PSMD14: variants seen among roughly 807,000 people sequenced by gnomAD.
The protein encoded by PSMD14 is ubiquitin C-terminal hydrolase PSMD14.
Under a neutral mutation model 41.2 loss-of-function variants are expected in PSMD14, and 7 were observed. The ratio of observed to expected loss-of-function variants is 0.17; its 90% CI spans 0.10 to 0.32. The LOEUF (loss-of-function observed/expected upper bound fraction) is 0.32, where lower values mean the gene tolerates loss of function less well. Among genes scored for constraint, PSMD14 ranks in the 10% least tolerant of loss-of-function variants. The probability of loss-of-function intolerance (pLI) is 1.00; values close to 1 mark genes in which losing one functional copy is unlikely to be tolerated. For missense variants in PSMD14, 139 were observed against 375.6 expected (o/e 0.37, Z 5.21); for synonymous variants, 114 against 122.3 (o/e 0.93, Z 0.45).
chr2:161,369,162 T>G lies in PSMD14; in HGVS notation c.241-945T>G, dbSNP rs149381567. Among the ~76,000 whole-genome samples, 414 of 152,174 alleles carry G rather than the reference T, an allele frequency of 2.7e-3. 6 individuals carry two copies. Among genetic ancestry groups the G allele is most frequent in the African/African-American group, 9.5e-3 (394 of 41,574 alleles). Reference sequence around the variant, plus strand: ...GTACTTATGTAGATACCCATTATAATACATTGTTCTTAGGCTTTAATATCA... The same window carrying G: ...GTACTTATGTAGATACCCATTATAAGACATTGTTCTTAGGCTTTAATATCA... On this transcript the variant is annotated intron_variant, in intron 5 of 11. Transcript: ENST00000409682.
At chr2:161,388,172 G>A (rs1042145722) in intron 8 of PSMD14, among the ~76,000 whole-genome samples, 2 of 152,098 alleles carry the variant, frequency 1.3e-5, no homozygotes, top group African/African-American at 2.4e-5. Context: ...AAATATTGAT[G>A]CATAGATGCA....
At chr2:161,391,025 GA>G in intron 8 of PSMD14, 78 bp from the exon 9 acceptor site, 2 of 1,275,348 alleles carry the variant, frequency 1.6e-6, no homozygotes, top group South Asian at 4.0e-5. Flanking sequence ...TATTATGTAA[GA>G]ATATATCAAC....
At chr2:161,319,754 A>G (rs577904674) in intron 3 of PSMD14, among the ~76,000 whole-genome samples, 8 of 152,176 alleles carry the variant, frequency 5.3e-5, no homozygotes, top group Non-Finnish European at 1.2e-4. Flanking sequence ...TGTGTTTACT[A>G]TAAGAAGCAG....
At chr2:161,348,700 C>T (rs538408582) in intron 3 of PSMD14, among the ~76,000 whole-genome samples, 6 of 152,172 alleles carry the variant, frequency 3.9e-5, no homozygotes, top group African/African-American at 9.6e-5. Flanking sequence ...AAGAAATGCA[C>T]GATCACTAAG....
intron 1 of PSMD14, among the ~76,000 whole-genome samples, chr2:161,315,237 A>T (rs535864498): frequency 6.6e-6 from 1 of 152,196 alleles, no homozygotes; most frequent in Non-Finnish European, 1.5e-5. Context: ...TAAACATCCT[A>T]TGATGCGCAA....
intron 3 of PSMD14, among the ~76,000 whole-genome samples, chr2:161,363,812 G>C (rs1191532595): frequency 6.6e-6 from 1 of 152,194 alleles, no homozygotes; most frequent in African/African-American, 2.4e-5. Context: ...AGACAGGCAG[G>C]CTTTGGGGCT....
chr2:161,400,305 G>A (rs1191140449), intron 10 of PSMD14, among the ~76,000 whole-genome samples: 1 of 152,080 alleles, frequency 6.6e-6, no homozygotes, highest in Non-Finnish European at 1.5e-5. Flanking sequence ...GATAGCTTCA[G>A]CCATCTCATC....
chr2:161,355,040 G>A (rs1455221220), intron 3 of PSMD14, among the ~76,000 whole-genome samples: 1 of 152,192 alleles, frequency 6.6e-6, no homozygotes, highest in East Asian at 1.9e-4. Context: ...AAATTTCAGA[G>A]GAGGTGGGTG....
chr2:161,346,312 C>T (rs915817878), intron 3 of PSMD14, among the ~76,000 whole-genome samples: 1 of 152,102 alleles, frequency 6.6e-6, no homozygotes, highest in African/African-American at 2.4e-5. Flanking sequence ...GAACTCACCC[C>T]CTGCTTTATC....
rs1162637393 is a variant in PSMD14, at chr2:161,389,889, G to GTTT, written c.571-1194_571-1192dup. Among the ~76,000 whole-genome samples, 32 of 20,042 alleles carry GTTT rather than the reference G, an allele frequency of 1.6e-3. 1 individual carries two copies. The highest frequency in any genetic ancestry group is 2.1e-3 in the African/African-American group (14 of 6,558). The allele number at this position is 20,042 out of a possible 152,430, so 13.1% of individuals were successfully genotyped here. On this transcript the variant is annotated intron_variant, in intron 8 of 11. Transcript: ENST00000409682. ...TGTCTTATTTTCTTTCTTTTTTGTTGTTTTTTTTTTTTTTTTTTTTTTTAG... is the reference window on the plus strand; with the variant it reads ...TGTCTTATTTTCTTTCTTTTTTGTTGTTTTTTTTTTTTTTTTTTTTTTTTTTAG...
At chr2:161,381,587 A>T (rs1167572949) in intron 7 of PSMD14, 1 of 151,908 alleles carries the variant, frequency 6.6e-6, no homozygotes, top group Non-Finnish European at 1.5e-5. Context: ...TGCTTTACAA[A>T]TTTAGTCTAG....
At position 161,341,184 on chromosome 2, in the gene PSMD14, GCCGGGGGCGCGGGTT is replaced by G. The variant is rs1056179124; in HGVS notation, c.48+22323_48+22337del. The G allele has an allele frequency of 5.2e-6, 5 of 954,504 alleles. No individual in the cohort carries two copies. In the African/African-American group the frequency reaches 7.1e-5, roughly 14 times the overall value. The allele number at this position is 954,504 out of a possible 1,614,324, so 59.1% of individuals were successfully genotyped here. A position where few individuals can be genotyped will look rare whatever the true frequency, so the allele number is the denominator to read the frequency against. On this transcript the variant is annotated intron_variant, in intron 3 of 11. Transcript: ENST00000409682. ...CGGCGCCGGGGCCCCGGTGGCCTCG[GCCGGGGGCGCGGGTT>G]CCGGGGGCGCGCGGGCAGGCTCCGG... is the stretch of plus-strand genomic sequence containing the variant.
chr2:161,308,948 C>T, intron 1 of PSMD14, among the ~76,000 whole-genome samples: 1 of 152,052 alleles, frequency 6.6e-6, no homozygotes. Flanking sequence ...CAAAGCAGAC[C>T]GGGAAAACAA....
intron 3 of PSMD14, among the ~76,000 whole-genome samples, chr2:161,366,708 AG>A (rs1327899624): frequency 6.6e-6 from 1 of 152,138 alleles, no homozygotes; most frequent in African/African-American, 2.4e-5. Flanking sequence ...CACATTTATA[AG>A]ATTATAGGCA....
intron 3 of PSMD14, among the ~76,000 whole-genome samples, chr2:161,363,592 G>A (rs1025279564): frequency 2.0e-5 from 3 of 152,158 alleles, no homozygotes; most frequent in South Asian, 2.1e-4. Context: ...TGAATCACCA[G>A]AATACTGCCC....
At chr2:161,353,715 C>T (rs973340408) in intron 3 of PSMD14, among the ~76,000 whole-genome samples, 1 of 152,198 alleles carries the variant, frequency 6.6e-6, no homozygotes, top group African/African-American at 2.4e-5. Context: ...TGGTTCTTCT[C>T]TTTCTTCCCT....
chr2:161,368,327 T>C (rs1421235518), intron 5 of PSMD14, among the ~76,000 whole-genome samples: 1 of 152,124 alleles, frequency 6.6e-6, no homozygotes, highest in Non-Finnish European at 1.5e-5. Flanking sequence ...TTAAAAAATG[T>C]TCTATATATG....
At position 161,354,490 on chromosome 2, in the gene PSMD14, T is replaced by G. The variant is rs1683166019; in HGVS notation, c.49-12988T>G. ...TGATGTTTTTTTATAACAAAGGTAG[T>G]CGAGCATTGTGCTTGGTCCTTGTTG... On this transcript the variant is annotated intron_variant, in intron 3 of 11. Coordinates refer to ENST00000409682, the MANE Select transcript of PSMD14 (RefSeq NM_005805.6). Among the ~76,000 whole-genome samples the G allele has an allele frequency of 4.8e-5, 3 of 62,792 alleles. No homozygotes were observed. In the South Asian group the frequency reaches 1.9e-3, roughly 39 times the overall value. The allele number at this position is 62,792 out of a possible 152,430, so 41.2% of individuals were successfully genotyped here. A position where few individuals can be genotyped will look rare whatever the true frequency, so the allele number is the denominator to read the frequency against.
chr2:161,387,830 T>C (rs549943846), intron 8 of PSMD14, among the ~76,000 whole-genome samples: 1 of 152,142 alleles, frequency 6.6e-6, no homozygotes, highest in Non-Finnish European at 1.5e-5. Flanking sequence ...AAAGTACTAC[T>C]TGACAGTGTT....
Sources: gnomAD v4.1 joint callset for allele counts (sites outside exome capture counted in the v4.1 genomes callset) on GRCh38, gnomAD v4.1.1 for gene constraint, MANE v1.5 for transcripts, NCBI Gene and HGNC (gene_info 2026-07-23, HGNC 2026-07-21) for gene names.